Variants in CDH12 observed in about 807,000 individuals in gnomAD.
The protein encoded by CDH12 is cadherin 12.
CDH12 carries 41 observed loss-of-function variants against 74.1 expected under a neutral mutation model. The ratio of observed to expected loss-of-function variants is 0.55; its 90% CI spans 0.43 to 0.72. The LOEUF (loss-of-function observed/expected upper bound fraction) is 0.72. Ranked by LOEUF, CDH12 falls within the 30% of genes least tolerant of loss-of-function variation. The pLI, the probability that CDH12 is intolerant of heterozygous loss-of-function variation, is 0.00. For missense variants in CDH12, 945 were observed against 977.2 expected, an observed-to-expected ratio of 0.97 and a Z score of 0.44; for synonymous variants, 399 against 355.0, an observed-to-expected ratio of 1.12 and a Z score of -1.39.
chr5:22,616,869 CT>C (rs952806823), intron 1 of CDH12, among the ~76,000 whole-genome samples: 27 of 149,368 alleles, frequency 1.8e-4, no homozygotes, highest in Admixed American at 4.0e-4. Flanking sequence ...CCAATTTTCA[CT>C]TTTTTTTTTC....
intron 1 of CDH12, among the ~76,000 whole-genome samples, chr5:22,533,064 C>G (rs1737665271): frequency 6.6e-6 from 1 of 151,886 alleles, no homozygotes; most frequent in Non-Finnish European, 1.5e-5. Flanking sequence ...ATAGATGTTC[C>G]CAGGTATTGC....
At chr5:22,631,370 GA>G (rs548625013) in intron 1 of CDH12, among the ~76,000 whole-genome samples, 43 of 152,224 alleles carry the variant, frequency 2.8e-4, no homozygotes, top group Non-Finnish European at 5.3e-4. Context: ...CAATATTAGA[GA>G]CACAGAATCA....
At chr5:22,724,123 T>C (rs1744037658) in intron 1 of CDH12, among the ~76,000 whole-genome samples, 1 of 151,914 alleles carries the variant, frequency 6.6e-6, no homozygotes, top group South Asian at 2.1e-4. Context: ...GAATTTATAA[T>C]CACTGAAGCA....
chr5:22,151,479 A>G (rs1747578129), intron 4 of CDH12, among the ~76,000 whole-genome samples: 2 of 152,084 alleles, frequency 1.3e-5, no homozygotes, highest in Admixed American at 1.3e-4. Flanking sequence ...CAGTTTTTGT[A>G]CCCTGCTGAA....
intron 6 of CDH12, among the ~76,000 whole-genome samples, chr5:21,903,530 G>A (rs1579938233): frequency 2.6e-5 from 4 of 152,190 alleles, no homozygotes; most frequent in East Asian, 3.9e-4. Flanking sequence ...GGAAAAGAGT[G>A]TCTTGGACAC....
At chr5:22,834,377 A>G (rs1188636298) in intron 1 of CDH12, among the ~76,000 whole-genome samples, 2 of 152,184 alleles carry the variant, frequency 1.3e-5, no homozygotes, top group African/African-American at 4.8e-5. Flanking sequence ...GTACTTAATT[A>G]ATTTGACCTC....
In CDH12 at chr5:21,751,729, C is replaced by T. The variant is rs747694466; in HGVS notation, c.*8G>A. On this transcript the variant is annotated 3_prime_UTR_variant, in exon 15 of 15. Transcript: ENST00000382254. ...CCTCTCGGTTGTATTTTAGCCTCCACGACTCCCTTAAGTGACTTTATCAGG... is the reference window on the plus strand; with the variant it reads ...CCTCTCGGTTGTATTTTAGCCTCCATGACTCCCTTAAGTGACTTTATCAGG... The T allele has an allele frequency of 3.1e-6, 5 of 1,594,302 alleles. No individual in the cohort carries two copies. Among genetic ancestry groups the T allele is most frequent in the Admixed American group, 3.6e-5 (2 of 55,974 alleles).
At chr5:22,253,315 A>G (rs984190205) in intron 3 of CDH12, among the ~76,000 whole-genome samples, 4 of 151,944 alleles carry the variant, frequency 2.6e-5, no homozygotes, top group Non-Finnish European at 4.4e-5. Flanking sequence ...ATTTAGCTTT[A>G]GCTTATAAAT....
chr5:22,410,808 A>G (rs886853685), intron 2 of CDH12, among the ~76,000 whole-genome samples: 5 of 152,086 alleles, frequency 3.3e-5, no homozygotes, highest in African/African-American at 1.2e-4. Context: ...TTTGTATGTT[A>G]AATTTTATGC....
At chr5:22,799,530 G>C (rs1025762539) in intron 1 of CDH12, among the ~76,000 whole-genome samples, 3 of 152,098 alleles carry the variant, frequency 2.0e-5, no homozygotes, top group Non-Finnish European at 2.9e-5. Flanking sequence ...GAGCAGAGAA[G>C]AATAACTCTT....
chr5:22,817,098 AC>A (rs1286412976), intron 1 of CDH12, among the ~76,000 whole-genome samples: 1 of 152,110 alleles, frequency 6.6e-6, no homozygotes, highest in African/African-American at 2.4e-5. Flanking sequence ...AAATGCTATT[AC>A]TAGTCGTAAT....
At position 21,802,221 on chromosome 5, in the gene CDH12, G is replaced by T; in HGVS notation, c.1202C>A (p.Thr401Asn). The T allele has an allele frequency of 6.2e-7, 1 of 1,613,836 alleles. No homozygotes were observed. Among genetic ancestry groups the T allele is most frequent in the Non-Finnish European group, 8.5e-7 (1 of 1,179,900 alleles). ...MEVYEDTPVGTIIGAVTAQDL... is the reference protein window; with the variant it reads ...MEVYEDTPVGNIIGAVTAQDL... ...TTGAGCAGTGACAGCGCCAATGATGGTCCCTACCGGAGTGTCTTCATAAAC... is the reference window on the plus strand; with the variant it reads ...TTGAGCAGTGACAGCGCCAATGATGTTCCCTACCGGAGTGTCTTCATAAAC... The change falls in exon 10 of 15, where the codon ACC becomes AAC. Residue 401 changes from threonine (T) to asparagine (N), a missense_variant. Physicochemically the swap from Thr to Asn is moderately conservative, Grantham distance 65. This residue lies in a region of CDH12 where 791 missense variants were observed against 792.8 expected (regional missense o/e 1.00). Transcript: ENST00000382254.
chr5:21,861,402 A>G (rs376868086), intron 6 of CDH12, among the ~76,000 whole-genome samples: 6 of 152,194 alleles, frequency 3.9e-5, no homozygotes, highest in Non-Finnish European at 1.5e-5. Context: ...ATTACATGAA[A>G]GCTTAACTAA....
chr5:22,087,996 TACCCCTG>T (rs1743180345), intron 4 of CDH12, among the ~76,000 whole-genome samples: 1 of 152,138 alleles, frequency 6.6e-6, no homozygotes, highest in Non-Finnish European at 1.5e-5. Flanking sequence ...GACTCTATCA[TACCCCTG>T]TGTGATCTTT....
At chr5:22,729,707 G>A (rs1360028181) in intron 1 of CDH12, among the ~76,000 whole-genome samples, 1 of 151,850 alleles carries the variant, frequency 6.6e-6, no homozygotes, top group Non-Finnish European at 1.5e-5. Context: ...CCTCTTAGTA[G>A]AATTTTAGTT....
At chr5:21,765,628 A>C (rs970243026) in intron 11 of CDH12, among the ~76,000 whole-genome samples, 4 of 152,028 alleles carry the variant, frequency 2.6e-5, no homozygotes, top group Non-Finnish European at 5.9e-5. Context: ...GAGATGGATT[A>C]TGGAAAGCTA....
Position 21,839,724 on chromosome 5 carries a change from T to C in CDH12, c.814+2437A>G, listed in dbSNP as rs144540547. ...TAGTAGATGAACTCGTAAACTCTCC[T>C]GGAGTGGAAAGAGAAAAAACTGTGT... On this transcript the variant is annotated intron_variant, in intron 8 of 14. Coordinates refer to ENST00000382254, the MANE Select transcript of CDH12 (RefSeq NM_004061.5). Among the ~76,000 whole-genome samples the C allele has an allele frequency of 5.7e-3, 863 of 152,266 alleles. 4 individuals carry two copies. The highest frequency in any genetic ancestry group is 0.018 in the African/African-American group (757 of 41,572).
intron 3 of CDH12, among the ~76,000 whole-genome samples, chr5:22,215,414 G>T (rs1751767074): frequency 6.6e-6 from 1 of 151,834 alleles, no homozygotes; most frequent in African/African-American, 2.4e-5. Context: ...GCTATTAAAA[G>T]TTATGTATGA....
At chr5:22,812,745 C>T (rs1032294120) in intron 1 of CDH12, among the ~76,000 whole-genome samples, 1 of 152,104 alleles carries the variant, frequency 6.6e-6, no homozygotes, top group Non-Finnish European at 1.5e-5. Context: ...ACTGATTAAA[C>T]TTTGTAGTAT....
Sources: gnomAD v4.1 joint callset for allele counts (sites outside exome capture counted in the v4.1 genomes callset) on GRCh38, gnomAD v4.1.1 for gene constraint, gnomAD v4.1.1 regional missense constraint, MANE v1.5 for transcripts, NCBI Gene and HGNC (gene_info 2026-07-23, HGNC 2026-07-21) for gene names.